KIF18A: variants seen among roughly 807,000 people sequenced by gnomAD.
KIF18A encodes kinesin family member 18A, also known as kinesin-like protein KIF18A.
A neutral mutation model predicts 103.3 loss-of-function variants in KIF18A; 67 were observed. That is an observed-to-expected ratio of 0.65 (90% CI 0.53 to 0.79). The LOEUF (loss-of-function observed/expected upper bound fraction) is 0.79, where lower values mean the gene tolerates loss of function less well. KIF18A is among the 30% of genes least tolerant of loss of function. KIF18A has a pLI of 0.00. For missense variants in KIF18A, 1,032 were observed against 1,062.5 expected, an observed-to-expected ratio of 0.97 and a Z score of 0.40; for synonymous variants, 367 against 355.5, an observed-to-expected ratio of 1.03 and a Z score of -0.36.
intron 15 of KIF18A, among the ~76,000 whole-genome samples, chr11:28,034,305 T>C (rs1323627686): frequency 1.3e-5 from 2 of 151,774 alleles, no homozygotes; most frequent in Non-Finnish European, 2.9e-5. Context: ...GCATACTTTG[T>C]AATTTTTGTT....
intron 9 of KIF18A, among the ~76,000 whole-genome samples, chr11:28,082,340 C>A (rs762127464): frequency 3.9e-5 from 6 of 152,074 alleles, no homozygotes; most frequent in Non-Finnish European, 8.8e-5. Context: ...CAGTAAACTT[C>A]ATTGTTGCCT....
intron 11 of KIF18A, among the ~76,000 whole-genome samples, chr11:28,068,034 T>C (rs1247052545): frequency 6.6e-6 from 1 of 152,108 alleles, no homozygotes; most frequent in Admixed American, 6.6e-5. Context: ...CCATCAATGA[T>C]AGGCTGGATA....
At chr11:28,036,851 C>T (rs957050628) in intron 13 of KIF18A, among the ~76,000 whole-genome samples, 187 bp from the exon 14 acceptor site, 10 of 151,166 alleles carry the variant, frequency 6.6e-5, no homozygotes, top group Admixed American at 1.3e-4. Flanking sequence ...TAAAGATAAA[C>T]TCATTATAAA....
At chr11:28,062,251 CTT>C (rs1443109633) in intron 12 of KIF18A, 142 bp downstream of exon 12, 1 of 638,998 alleles carries the variant, frequency 1.6e-6, no homozygotes, top group Non-Finnish European at 2.5e-6. Context: ...AAATAACTCT[CTT>C]AATGTTTTCT....
intron 3 of KIF18A, among the ~76,000 whole-genome samples, chr11:28,094,341 A>G (rs1851339693): frequency 6.6e-6 from 1 of 152,172 alleles, no homozygotes; most frequent in African/African-American, 2.4e-5. Context: ...CTAGCTCAGA[A>G]AGAAAGAAAT....
chr11:28,080,793 C>T (rs1851156056), intron 9 of KIF18A, among the ~76,000 whole-genome samples: 1 of 152,132 alleles, frequency 6.6e-6, no homozygotes, highest in African/African-American at 2.4e-5. Context: ...CTAAGGAAGG[C>T]TTGTAGAAAG....
intron 9 of KIF18A, among the ~76,000 whole-genome samples, chr11:28,077,985 C>T (rs910568436): frequency 6.6e-6 from 1 of 152,134 alleles, no homozygotes; most frequent in Admixed American, 6.6e-5. Flanking sequence ...GAACACTGGT[C>T]ACAGTAATAT....
At chr11:28,029,149 A>C (rs1243610189) in intron 15 of KIF18A, among the ~76,000 whole-genome samples, 1 of 152,202 alleles carries the variant, frequency 6.6e-6, no homozygotes, top group Non-Finnish European at 1.5e-5. Flanking sequence ...AATCTATAGA[A>C]AAAGAGGGAA....
intron 9 of KIF18A, among the ~76,000 whole-genome samples, chr11:28,081,822 A>C (rs1851169331): frequency 1.3e-5 from 2 of 152,168 alleles, no homozygotes; most frequent in Admixed American, 6.6e-5. Flanking sequence ...ATAAATTGAA[A>C]AGCATCTGAA....
At position 28,024,153 on chromosome 11, in the gene KIF18A, C is replaced by G. The variant is rs1267650490; in HGVS notation, c.2505-303G>C. On this transcript the variant is annotated intron_variant, in intron 15 of 16. Coordinates refer to ENST00000263181, the MANE Select transcript of KIF18A (RefSeq NM_031217.4). ...TGGCAGATAAGTAAGCACTATTATT[C>G]AAAATGTAGAGATCAGTAGCACATA... is the stretch of plus-strand genomic sequence containing the variant. Among the ~76,000 whole-genome samples, 3 of 117,240 alleles carry G rather than the reference C, an allele frequency of 2.6e-5. No homozygotes were observed. The Admixed American group carries it at 2.9e-4, about 11-fold the overall frequency. The allele number at this position is 117,240 out of a possible 152,430, so 76.9% of individuals were successfully genotyped here. A position where few individuals can be genotyped will look rare whatever the true frequency, so the allele number is the denominator to read the frequency against.
chr11:28,075,372 C>G (rs1851075720), intron 10 of KIF18A, among the ~76,000 whole-genome samples: 1 of 152,070 alleles, frequency 6.6e-6, no homozygotes, highest in East Asian at 1.9e-4. Context: ...TTTTGGTTTC[C>G]TCATTGATTA....
intron 2 of KIF18A, among the ~76,000 whole-genome samples, chr11:28,096,009 A>C (rs1302763862): frequency 7.1e-6 from 1 of 141,318 alleles, no homozygotes; most frequent in African/African-American, 2.6e-5. Flanking sequence ...AGACTTCATC[A>C]AAAAAAAAAA....
intron 1 of KIF18A, among the ~76,000 whole-genome samples, chr11:28,106,816 C>A (rs183933303): frequency 6.6e-6 from 1 of 151,852 alleles, no homozygotes; most frequent in East Asian, 1.9e-4. Flanking sequence ...ACCAAAGATA[C>A]AAAAATTAGC....
intron 13 of KIF18A, among the ~76,000 whole-genome samples, chr11:28,054,389 T>G (rs948307169): frequency 8.5e-5 from 13 of 152,108 alleles, no homozygotes; most frequent in Non-Finnish European, 1.5e-4. Flanking sequence ...TTTTGTATTT[T>G]TTGTAGAGAC....
rs567433867 is a variant in KIF18A, at chr11:28,097,521, G to A, written c.325+102C>T. The A allele has an allele frequency of 2.0e-5, 16 of 786,980 alleles. No individual in the cohort carries two copies. In the African/African-American group the frequency reaches 2.4e-4, roughly 12 times the overall value. The allele number at this position is 786,980 out of a possible 1,614,324, so 48.7% of individuals were successfully genotyped here. ...TTTCTTAAGAATTTTTAGCATACAAGCTCCTTAAATTTGATTATATTTAGA... is the reference window on the plus strand; with the variant it reads ...TTTCTTAAGAATTTTTAGCATACAAACTCCTTAAATTTGATTATATTTAGA... On this transcript the variant is annotated intron_variant, in intron 2 of 16. Transcript: ENST00000263181.
In KIF18A at chr11:28,090,765, G is replaced by GC. The variant is rs1851290471; in HGVS notation, c.589-39dup. 1.8e-5 allele frequency: 16 copies of GC among 910,234 alleles called. No individual in the cohort carries two copies. In the East Asian group the frequency reaches 3.9e-4, roughly 22 times the overall value. The allele number at this position is 910,234 out of a possible 1,614,324, so 56.4% of individuals were successfully genotyped here. On this transcript the variant is annotated intron_variant, in intron 4 of 16. Transcript: ENST00000263181. ...AAGTAGAAGCAAAATTTAAAAATCA[G>GC]CAATATATCTTTAAATTTTTCAATA...
intron 10 of KIF18A, among the ~76,000 whole-genome samples, chr11:28,076,082 G>C (rs1401581150): frequency 6.6e-6 from 1 of 151,866 alleles, no homozygotes; most frequent in Non-Finnish European, 1.5e-5. Flanking sequence ...TCAGGCTTTA[G>C]ATAGGAGCTC....
intron 9 of KIF18A, among the ~76,000 whole-genome samples, chr11:28,081,737 A>T (rs1340868874): frequency 6.6e-6 from 1 of 152,122 alleles, no homozygotes; most frequent in Non-Finnish European, 1.5e-5. Context: ...TATTTAGGAA[A>T]TACATTTTGT....
chr11:28,037,097 C>T (rs1031623569), intron 13 of KIF18A, among the ~76,000 whole-genome samples: 3 of 151,300 alleles, frequency 2.0e-5, no homozygotes, highest in Non-Finnish European at 4.4e-5. Flanking sequence ...TTTTGTTTTG[C>T]CTTGTTTTTT....
Sources: allele counts gnomAD v4.1 joint callset (sites outside exome capture counted in the v4.1 genomes callset), GRCh38; gene constraint gnomAD v4.1.1; transcripts MANE v1.5; gene names NCBI Gene and HGNC (gene_info 2026-07-23, HGNC 2026-07-21).